Variants in CYB5R4 observed in about 807,000 individuals in gnomAD.
CYB5R4 encodes the protein N-terminal cytochrome b5 and cytochrome b5 oxidoreductase domain-containing protein.
CYB5R4 carries 55 observed loss-of-function variants against 70.2 expected under a neutral mutation model. The observed-to-expected ratio is 0.78, with a 90% CI of 0.63 to 0.98. The LOEUF is 0.98. Ranked by LOEUF, CYB5R4 falls within the 50% of genes least tolerant of loss-of-function variation. The pLI is 0.00. For missense variants in CYB5R4, 562 were observed against 612.6 expected (o/e 0.92, Z 0.87); for synonymous variants, 197 against 199.5 (o/e 0.99, Z 0.11).
chr6:83,912,600 C>T (rs2099464869), intron 4 of CYB5R4, among the ~76,000 whole-genome samples: 1 of 152,180 alleles, frequency 6.6e-6, no homozygotes, highest in Non-Finnish European at 1.5e-5. Context: ...GCAGTTTAAC[C>T]AGCATTATGA....
intron 11 of CYB5R4, 71 bp downstream of exon 11, chr6:83,934,806 C>G: frequency 7.6e-7 from 1 of 1,321,246 alleles, no homozygotes; most frequent in Non-Finnish European, 1.0e-6. Context: ...ACTATTCTCT[C>G]TAGAAAACAA....
In CYB5R4 at chr6:83,962,112, C is replaced by T. The variant is rs375324469; in HGVS notation, c.*2234C>T. 1.2e-4 allele frequency: 18 copies of T among 152,278 alleles called. No homozygotes were observed. Among genetic ancestry groups the T allele is most frequent in the Middle Eastern group, 3.4e-3 (1 of 294 alleles). The allele number at this position is 152,278 out of a possible 1,614,324, so 9.4% of individuals were successfully genotyped here. On this transcript the variant is annotated 3_prime_UTR_variant, in exon 16 of 16. Transcript: ENST00000369681. ...TTCCTGCATACCACCCCACCATCCA[C>T]CTAGTAAGCCATTCTAGAACTATTA...
intron 3 of CYB5R4, among the ~76,000 whole-genome samples, chr6:83,900,927 C>T (rs557429758): frequency 6.6e-6 from 1 of 152,094 alleles, no homozygotes; most frequent in Admixed American, 6.6e-5. Context: ...ATCCAATTCG[C>T]TGTTTTGTGT....
Position 83,964,227 on chromosome 6 carries a change from CAGA to C in CYB5R4, c.*4356_*4358del, listed in dbSNP as rs1206047198. ...AGAGATTGGAACAGTTTGGAGGGCT[CAGA>C]AGAAGACAGGAAAATGGGAAAGTTT... On this transcript the variant is annotated 3_prime_UTR_variant, in exon 16 of 16. Transcript: ENST00000369681. The C allele has an allele frequency of 9.8e-5, 15 of 153,266 alleles. No individual in the cohort carries two copies. The highest frequency in any genetic ancestry group is 3.6e-4 in the African/African-American group (15 of 41,424). The allele number at this position is 153,266 out of a possible 1,614,324, so 9.5% of individuals were successfully genotyped here. A position where few individuals can be genotyped will look rare whatever the true frequency, so the allele number is the denominator to read the frequency against.
intron 8 of CYB5R4, 131 bp downstream of exon 8, chr6:83,921,306 T>G (rs1487548945): frequency 2.5e-6 from 2 of 801,862 alleles, no homozygotes; most frequent in Non-Finnish European, 3.6e-6. Context: ...TTTTGATCAG[T>G]TTTTTTCCTG....
At chr6:83,860,118 C>T (rs1057177185) in intron 1 of CYB5R4, among the ~76,000 whole-genome samples, 1 of 151,938 alleles carries the variant, frequency 6.6e-6, no homozygotes, top group African/African-American at 2.4e-5. Flanking sequence ...AGTCCTTTCC[C>T]GCGATTTAAA....
chr6:83,889,664 GC>G (rs2099460803), intron 2 of CYB5R4, among the ~76,000 whole-genome samples: 1 of 152,142 alleles, frequency 6.6e-6, no homozygotes, highest in African/African-American at 2.4e-5. Flanking sequence ...TTCTTGCATT[GC>G]TGTAAATAAA....
At chr6:83,904,758 A>G (rs9449722) in intron 3 of CYB5R4, among the ~76,000 whole-genome samples, 15,985 of 152,106 alleles carry the variant, frequency 0.11, 1,462 homozygotes, top group East Asian at 0.26. Flanking sequence ...GTTCTTTTTC[A>G]TGACGTCTAT....
Position 83,959,805 on chromosome 6 carries a change from C to T in CYB5R4, c.1512-19C>T, listed in dbSNP as rs755109964. 1.3e-6 allele frequency: 2 copies of T among 1,587,420 alleles called. No homozygotes were observed. Among genetic ancestry groups the T allele is most frequent in the African/African-American group, 1.3e-5 (1 of 74,282 alleles). On this transcript the variant is annotated intron_variant, in intron 15 of 15. Coordinates refer to ENST00000369681, the MANE Select transcript of CYB5R4 (RefSeq NM_016230.4). The stretch of plus-strand genomic sequence containing the variant: ...AAGCATTTTCCCTAAGAAACATGTG[C>T]TTTTTATTTGTTTTTCAGGTTGCTG...
intron 12 of CYB5R4, among the ~76,000 whole-genome samples, chr6:83,937,905 G>C (rs61756902): frequency 0.014 from 2,205 of 152,256 alleles, 31 homozygotes; most frequent in South Asian, 0.056. Context: ...CTCCCTTTTG[G>C]TGTCACCTCC....
chr6:83,868,419 A>C (rs955540067), intron 2 of CYB5R4, among the ~76,000 whole-genome samples: 3 of 152,202 alleles, frequency 2.0e-5, no homozygotes, highest in African/African-American at 7.2e-5. Context: ...ACATACCTTA[A>C]AATGATGGTA....
In CYB5R4 at chr6:83,958,964, T is replaced by C. The variant is rs61756924; in HGVS notation, c.1512-860T>C. On this transcript the variant is annotated intron_variant, in intron 15 of 15. Transcript: ENST00000369681. ...CAATACGCAGTATTTCTGCTTTTCC[T>C]GTTCAGTAGGGGGAGAATGAAGATA... is the stretch of plus-strand genomic sequence containing the variant. Among the ~76,000 whole-genome samples, 685 of 152,278 alleles carry C rather than the reference T, an allele frequency of 4.5e-3. 3 individuals carry two copies. Among genetic ancestry groups the C allele is most frequent in the African/African-American group, 0.015 (643 of 41,558 alleles).
intron 5 of CYB5R4, among the ~76,000 whole-genome samples, chr6:83,914,988 C>T (rs369599777): frequency 3.0e-4 from 46 of 152,224 alleles, no homozygotes; most frequent in African/African-American, 1.1e-3. Context: ...CTTCCCTCAG[C>T]TTGAATACTT....
intron 2 of CYB5R4, 95 bp downstream of exon 2, chr6:83,864,423 G>A (rs570008647): frequency 9.4e-6 from 11 of 1,168,558 alleles, no homozygotes; most frequent in Non-Finnish European, 1.3e-5. Flanking sequence ...TTAAACAATT[G>A]ACAATTTAAC....
At chr6:83,934,529 C>T in intron 10 of CYB5R4, 66 bp from the exon 11 acceptor site, 1 of 1,201,426 alleles carries the variant, frequency 8.3e-7, no homozygotes, top group Non-Finnish European at 1.2e-6. Flanking sequence ...TATGCTTTCT[C>T]TTAGTGGTTT....
At chr6:83,901,695 A>C (rs1399748050) in intron 3 of CYB5R4, among the ~76,000 whole-genome samples, 1 of 135,548 alleles carries the variant, frequency 7.4e-6, no homozygotes, top group Non-Finnish European at 1.5e-5. Flanking sequence ...ACCAGCGTCT[A>C]TTATTTCTTG....
chr6:83,893,535 T>C lies in CYB5R4; in HGVS notation c.243T>C (p.Asn81=), dbSNP rs766332057. The change falls in exon 3 of 16, where the codon AAT becomes AAC. Residue 81 remains asparagine (N), a synonymous_variant. Coordinates refer to ENST00000369681, the MANE Select transcript of CYB5R4 (RefSeq NM_016230.4). ...GCTTTGGTACAGGTTTCGTTTATAA[T>C]GTCAGCCCTTATATGGAGTATCATC... is the stretch of plus-strand genomic sequence containing the variant. ...CWICIRGFVY[N]VSPYMEYHPG... The C allele has an allele frequency of 1.2e-6, 2 of 1,607,414 alleles. No individual in the cohort carries two copies. Among genetic ancestry groups the C allele is most frequent in the South Asian group, 1.1e-5 (1 of 90,454 alleles).
chr6:83,928,955 T>C (rs1212469977), intron 10 of CYB5R4, among the ~76,000 whole-genome samples: 2 of 152,222 alleles, frequency 1.3e-5, no homozygotes, highest in Non-Finnish European at 2.9e-5. Flanking sequence ...TTATTTCTGC[T>C]GTAAATTTTT....
In CYB5R4 at chr6:83,966,963, G is replaced by C. The variant is rs1376033429; in HGVS notation, c.*7085G>C. Reference sequence around the variant, plus strand: ...GAACCATGAAAAGTAAATGCCTTTAGTTATCTAAACAAAAACTAATTACTT... The same window carrying C: ...GAACCATGAAAAGTAAATGCCTTTACTTATCTAAACAAAAACTAATTACTT... On this transcript the variant is annotated 3_prime_UTR_variant, in exon 16 of 16. Coordinates refer to ENST00000369681, the MANE Select transcript of CYB5R4 (RefSeq NM_016230.4). 2 of 152,070 alleles carry C rather than the reference G, an allele frequency of 1.3e-5. No individual in the cohort carries two copies. The highest frequency in any genetic ancestry group is 4.8e-5 in the African/African-American group (2 of 41,408). The allele number at this position is 152,070 out of a possible 1,614,324, so 9.4% of individuals were successfully genotyped here.
Sources: gnomAD v4.1 joint callset for allele counts (sites outside exome capture counted in the v4.1 genomes callset) on GRCh38, gnomAD v4.1.1 for gene constraint, MANE v1.5 for transcripts, NCBI Gene and HGNC (gene_info 2026-07-23, HGNC 2026-07-21) for gene names.